KAZN: variants seen among roughly 807,000 people sequenced by gnomAD.
KAZN encodes the protein kazrin, periplakin interacting protein.
In KAZN, 40 loss-of-function variants were observed where a neutral mutation model predicts 87.4. The observed-to-expected ratio is 0.46, with a 90% CI of 0.36 to 0.60. KAZN has a LOEUF of 0.60. Ranked by LOEUF, KAZN falls within the 20% of genes least tolerant of loss-of-function variation. The pLI is 0.00. For missense variants in KAZN, 898 were observed against 1,073.9 expected (o/e 0.84, Z 2.29); for synonymous variants, 466 against 458.3 (o/e 1.02, Z -0.22).
intron 2 of KAZN, among the ~76,000 whole-genome samples, chr1:14,298,114 A>G (rs1557623988): frequency 6.6e-6 from 1 of 152,120 alleles, no homozygotes; most frequent in African/African-American, 2.4e-5. Flanking sequence ...AGTCCCAACT[A>G]CTTGGGGGGC....
intron 1 of KAZN, among the ~76,000 whole-genome samples, chr1:14,925,361 G>C (rs1011138790): frequency 2.0e-5 from 3 of 152,216 alleles, no homozygotes; most frequent in African/African-American, 7.2e-5. Context: ...GCCATCACCA[G>C]GTCCAAGTTC....
At chr1:14,896,298 C>T (rs1655270197) in intron 1 of KAZN, among the ~76,000 whole-genome samples, 1 of 152,154 alleles carries the variant, frequency 6.6e-6, no homozygotes. Context: ...CGTGATCCGC[C>T]TGCCTCGGCC....
chr1:14,650,994 A>T (rs944542202), intron 1 of KAZN, among the ~76,000 whole-genome samples: 2 of 152,266 alleles, frequency 1.3e-5, no homozygotes, highest in Non-Finnish European at 2.9e-5. Flanking sequence ...CTACCTCCGC[A>T]GTGACTTTCC....
At chr1:14,177,109 G>T (rs1160869636) in intron 1 of KAZN, among the ~76,000 whole-genome samples, 1 of 152,084 alleles carries the variant, frequency 6.6e-6, no homozygotes, top group Non-Finnish European at 1.5e-5. Context: ...AGTGAGCTGA[G>T]ATCGAGCCAC....
intron 1 of KAZN, among the ~76,000 whole-genome samples, chr1:14,052,618 C>T (rs971548826): frequency 2.6e-5 from 4 of 151,948 alleles, no homozygotes; most frequent in Admixed American, 2.6e-4. Flanking sequence ...GCTTTGGGCC[C>T]TACTCCAGCT....
chr1:14,211,735 AT>A (rs1041143700), intron 2 of KAZN, among the ~76,000 whole-genome samples: 3 of 152,192 alleles, frequency 2.0e-5, no homozygotes, highest in African/African-American at 4.8e-5. Context: ...CACCATGGAA[AT>A]AAGCAAATGC....
At chr1:14,688,086 C>T (rs1250472439) in intron 1 of KAZN, among the ~76,000 whole-genome samples, 1 of 152,188 alleles carries the variant, frequency 6.6e-6, no homozygotes, top group African/African-American at 2.4e-5. Flanking sequence ...GTGCCCTAGA[C>T]GTCTCTACTC....
chr1:15,027,166 C>G (rs932063609), intron 2 of KAZN, among the ~76,000 whole-genome samples: 4 of 143,604 alleles, frequency 2.8e-5, no homozygotes, highest in African/African-American at 1.0e-4. Flanking sequence ...ACTGCAAGCT[C>G]CGCCTCCCGG....
intron 13 of KAZN, among the ~76,000 whole-genome samples, chr1:15,110,283 TTGTG>T (rs201238142): frequency 6.6e-5 from 10 of 150,650 alleles, no homozygotes; most frequent in African/African-American, 1.2e-4. Flanking sequence ...GTGTGTATGT[TTGTG>T]TGTGTGTATA....
At chr1:14,000,791 G>T (rs12725792) in intron 1 of KAZN, among the ~76,000 whole-genome samples, 20,316 of 149,112 alleles carry the variant, frequency 0.14, 1,496 homozygotes, top group South Asian at 0.2. Flanking sequence ...GATTTTTTTT[G>T]TTTGTTTTTG....
At chr1:14,884,497 C>CATAGGTTG (rs1653828310) in intron 1 of KAZN, among the ~76,000 whole-genome samples, 1 of 152,172 alleles carries the variant, frequency 6.6e-6, no homozygotes, top group Non-Finnish European at 1.5e-5. Context: ...ATAACAGAAG[C>CATAGGTTG]ATAGGTTGTG....
intron 1 of KAZN, among the ~76,000 whole-genome samples, chr1:14,745,566 TG>T (rs1644241583): frequency 6.6e-6 from 1 of 152,150 alleles, no homozygotes. Context: ...GTGCTTGGTA[TG>T]GCAGAGTGCT....
At chr1:14,046,140 C>T (rs6664774) in intron 1 of KAZN, among the ~76,000 whole-genome samples, 35,877 of 152,030 alleles carry the variant, frequency 0.24, 4,683 homozygotes, top group African/African-American at 0.32. Flanking sequence ...TAATAGGAAT[C>T]ATGGATGGTG....
At chr1:14,088,107 AC>A (rs1329050243) in intron 1 of KAZN, among the ~76,000 whole-genome samples, 1 of 151,424 alleles carries the variant, frequency 6.6e-6, no homozygotes, top group Non-Finnish European at 1.5e-5. Flanking sequence ...GTTTTTAGCT[AC>A]TAATCTAATT....
chr1:15,059,871 A>G (rs1214607108), intron 5 of KAZN, among the ~76,000 whole-genome samples: 6 of 152,010 alleles, frequency 3.9e-5, no homozygotes, highest in Non-Finnish European at 8.8e-5. Flanking sequence ...GGACTTGGAA[A>G]CGAGGAGACT....
intron 2 of KAZN, among the ~76,000 whole-genome samples, chr1:14,528,348 A>G (rs1035288781): frequency 6.9e-6 from 1 of 145,222 alleles, no homozygotes; most frequent in African/African-American, 2.5e-5. Flanking sequence ...AAAAAAAAAA[A>G]AAAAAAAAAA....
intron 1 of KAZN, among the ~76,000 whole-genome samples, chr1:14,089,306 G>A (rs912637314): frequency 6.6e-6 from 1 of 151,906 alleles, no homozygotes; most frequent in Admixed American, 6.6e-5. Flanking sequence ...TACTGATATG[G>A]TTGTATTTAA....
chr1:14,699,240 T>A (rs1641787043), intron 1 of KAZN, among the ~76,000 whole-genome samples: 1 of 152,214 alleles, frequency 6.6e-6, no homozygotes, highest in South Asian at 2.1e-4. Flanking sequence ...AAGTCAGGGA[T>A]GATTTTGTGG....
chr1:14,361,067 G>A (rs949211629), intron 2 of KAZN, among the ~76,000 whole-genome samples: 5 of 152,192 alleles, frequency 3.3e-5, no homozygotes, highest in Admixed American at 2.0e-4. Context: ...TCTGTCCCAC[G>A]GAGATGGGAG....
Sources: allele counts gnomAD v4.1 joint callset (sites outside exome capture counted in the v4.1 genomes callset), GRCh38; gene constraint gnomAD v4.1.1; transcripts MANE v1.5; gene names NCBI Gene and HGNC (gene_info 2026-07-23, HGNC 2026-07-21).